Variants in MYRIP observed in about 807,000 individuals in gnomAD.
MYRIP encodes rab effector MyRIP.
A neutral mutation model predicts 98.0 loss-of-function variants in MYRIP; 49 were observed. That is an observed-to-expected ratio of 0.50 (90% CI 0.40 to 0.63). The LOEUF (loss-of-function observed/expected upper bound fraction) is 0.63, where lower values mean the gene tolerates loss of function less well. MYRIP is among the 30% of genes least tolerant of loss of function. The pLI is 0.00. For synonymous variants in MYRIP, 404 were observed against 409.5 expected, an observed-to-expected ratio of 0.99 and a Z score of 0.16; for missense variants, 1,004 against 1,058.2, an observed-to-expected ratio of 0.95 and a Z score of 0.71.
intron 2 of MYRIP, among the ~76,000 whole-genome samples, chr3:40,025,868 G>C (rs1255640735): frequency 6.6e-6 from 1 of 152,158 alleles, no homozygotes; most frequent in Non-Finnish European, 1.5e-5. Context: ...TGAGGAAACA[G>C]AGCAAGAACA....
chr3:40,052,193 T>G (rs998306005), intron 3 of MYRIP, among the ~76,000 whole-genome samples: 4 of 152,080 alleles, frequency 2.6e-5, no homozygotes, highest in African/African-American at 9.7e-5. Flanking sequence ...TCCTCCTCAC[T>G]TCCTTTCCCA....
intron 1 of MYRIP, among the ~76,000 whole-genome samples, chr3:39,855,315 G>A (rs1284965060): frequency 2.0e-5 from 3 of 152,176 alleles, no homozygotes; most frequent in African/African-American, 7.2e-5. Flanking sequence ...TCTAGTAGTA[G>A]TAGGGGAATC....
chr3:39,855,674 G>A (rs1427949323), intron 1 of MYRIP, among the ~76,000 whole-genome samples: 7 of 152,076 alleles, frequency 4.6e-5, no homozygotes, highest in African/African-American at 1.4e-4. Context: ...TGGTGAGGCC[G>A]GTCTCACTCC....
intron 1 of MYRIP, among the ~76,000 whole-genome samples, chr3:39,841,398 C>G (rs897376771): frequency 6.6e-6 from 1 of 152,072 alleles, no homozygotes; most frequent in Non-Finnish European, 1.5e-5. Context: ...TGGGTTAGAA[C>G]ATGCTCCTTT....
rs562600444 is a variant in MYRIP, at chr3:39,877,810, G to A, written c.-30-22977G>A. Among the ~76,000 whole-genome samples the A allele has an allele frequency of 5.9e-4, 90 of 152,320 alleles. No homozygotes were observed. The East Asian group carries it at 0.013, about 22-fold the overall frequency. Reference sequence around the variant, plus strand: ...GGTCAGGGGTCAGGGACCCACTTGAGGAGGCAGTCTGCCCATTCTCAGATC... The same window carrying A: ...GGTCAGGGGTCAGGGACCCACTTGAAGAGGCAGTCTGCCCATTCTCAGATC... On this transcript the variant is annotated intron_variant, in intron 1 of 16. Transcript: ENST00000302541.
intron 4 of MYRIP, among the ~76,000 whole-genome samples, chr3:40,155,436 A>C (rs1199323165): frequency 6.6e-6 from 1 of 151,978 alleles, no homozygotes; most frequent in Non-Finnish European, 1.5e-5. Context: ...ATTGTGAATA[A>C]TGCCGCACTA....
rs143195698 is a variant in MYRIP, at chr3:40,005,933, G to T, written c.111-38117G>T. 7.2e-5 allele frequency among the ~76,000 whole-genome samples: 11 copies of T among 152,300 alleles called. No homozygotes were observed. The South Asian group carries it at 1.7e-3, about 23-fold the overall frequency. Reference sequence around the variant, plus strand: ...TCAGGTGCTTTGAGAGTCACAGGGGGATTTAATTTGACCTGATAGACAAGG... The same window carrying T: ...TCAGGTGCTTTGAGAGTCACAGGGGTATTTAATTTGACCTGATAGACAAGG... On this transcript the variant is annotated intron_variant, in intron 2 of 16. Coordinates refer to ENST00000302541, the MANE Select transcript of MYRIP (RefSeq NM_015460.4).
chr3:39,928,406 C>T (rs1944465486), intron 2 of MYRIP, among the ~76,000 whole-genome samples: 1 of 151,338 alleles, frequency 6.6e-6, no homozygotes, highest in Non-Finnish European at 1.5e-5. Flanking sequence ...ATCAATATAC[C>T]TCCTGCATAT....
chr3:40,025,088 T>TCTCTC (rs1279659749), intron 2 of MYRIP, among the ~76,000 whole-genome samples: 1 of 152,136 alleles, frequency 6.6e-6, no homozygotes, highest in Non-Finnish European at 1.5e-5. Context: ...GAGCCCTCAG[T>TCTCTC]CTCTCCCAAC....
intron 4 of MYRIP, among the ~76,000 whole-genome samples, chr3:40,160,516 C>T (rs1379400562): frequency 6.6e-6 from 1 of 152,214 alleles, no homozygotes; most frequent in Non-Finnish European, 1.5e-5. Flanking sequence ...CTGTGGTGGG[C>T]TCCACCCAGT....
intron 2 of MYRIP, among the ~76,000 whole-genome samples, chr3:39,971,458 T>C (rs1362629171): frequency 6.6e-6 from 1 of 152,066 alleles, no homozygotes; most frequent in Non-Finnish European, 1.5e-5. Flanking sequence ...TAGTCTAGAT[T>C]ACTGTGCTTT....
intron 3 of MYRIP, among the ~76,000 whole-genome samples, chr3:40,065,590 A>G (rs1948111627): frequency 6.6e-6 from 1 of 152,208 alleles, no homozygotes; most frequent in Non-Finnish European, 1.5e-5. Context: ...AGAAAGAGAT[A>G]TAAACAATGA....
intron 1 of MYRIP, among the ~76,000 whole-genome samples, chr3:39,832,923 C>T (rs1575284821): frequency 1.3e-5 from 2 of 152,120 alleles, no homozygotes; most frequent in African/African-American, 4.8e-5. Context: ...TGTGGAAAGC[C>T]GTTTATGCAC....
At chr3:40,191,658 A>ATAGAT (rs1951213423) in intron 10 of MYRIP, among the ~76,000 whole-genome samples, 1 of 152,180 alleles carries the variant, frequency 6.6e-6, no homozygotes, top group Admixed American at 6.5e-5. Context: ...ACCTGCTAAC[A>ATAGAT]TATTGCCTAG....
chr3:39,935,209 C>A (rs963061135), intron 2 of MYRIP, among the ~76,000 whole-genome samples: 31 of 152,018 alleles, frequency 2.0e-4, no homozygotes, highest in Admixed American at 2.0e-3. Flanking sequence ...AGGGACGGGG[C>A]AGATAAAGAT....
chr3:39,978,650 A>T (rs1361883912), intron 2 of MYRIP, among the ~76,000 whole-genome samples: 1 of 152,218 alleles, frequency 6.6e-6, no homozygotes, highest in African/African-American at 2.4e-5. Flanking sequence ...CTGATTGGGA[A>T]CAAGACTTCT....
At chr3:40,026,952 C>A (rs1264474076) in intron 2 of MYRIP, among the ~76,000 whole-genome samples, 2 of 152,104 alleles carry the variant, frequency 1.3e-5, no homozygotes, top group Non-Finnish European at 2.9e-5. Context: ...CCCCTGGCTG[C>A]CCCATCCCTC....
At chr3:40,048,347 G>A (rs1259810557) in intron 3 of MYRIP, among the ~76,000 whole-genome samples, 6 of 151,984 alleles carry the variant, frequency 3.9e-5, no homozygotes, top group African/African-American at 7.3e-5. Flanking sequence ...TTATCCAGTG[G>A]CTACAATATG....
chr3:39,986,064 C>T (rs998198695), intron 2 of MYRIP, among the ~76,000 whole-genome samples: 3 of 152,132 alleles, frequency 2.0e-5, no homozygotes, highest in African/African-American at 2.4e-5. Flanking sequence ...ACTCATCTGA[C>T]GTAAGGAAAG....
Sources: allele counts gnomAD v4.1 joint callset (sites outside exome capture counted in the v4.1 genomes callset), GRCh38; gene constraint gnomAD v4.1.1; transcripts MANE v1.5; gene names NCBI Gene and HGNC (gene_info 2026-07-23, HGNC 2026-07-21).